PRKG1: variants seen among roughly 807,000 people sequenced by gnomAD.
PRKG1 encodes the protein protein kinase cGMP-dependent 1.
PRKG1 carries 35 observed loss-of-function variants against 88.1 expected under a neutral mutation model. That is an observed-to-expected ratio of 0.40 (90% CI 0.30 to 0.53). The LOEUF (loss-of-function observed/expected upper bound fraction) is 0.53, where lower values mean the gene tolerates loss of function less well. PRKG1 is among the 20% of genes least tolerant of loss of function. The probability of loss-of-function intolerance (pLI) is 0.59; values close to 1 mark genes in which losing one functional copy is unlikely to be tolerated. For synonymous variants in PRKG1, 303 were observed against 292.5 expected (o/e 1.04, Z -0.37); for missense variants, 540 against 839.8 (o/e 0.64, Z 4.41).
chr10:51,567,525 AGTT>A (rs997193421), intron 3 of PRKG1, among the ~76,000 whole-genome samples: 44 of 152,226 alleles, frequency 2.9e-4, no homozygotes, highest in African/African-American at 9.9e-4. Flanking sequence ...AGAATGTAAG[AGTT>A]TTACATTACA....
intron 1 of PRKG1, among the ~76,000 whole-genome samples, chr10:51,117,385 T>C (rs1385577627): frequency 6.6e-6 from 1 of 152,230 alleles, no homozygotes; most frequent in Non-Finnish European, 1.5e-5. Context: ...TGGTAGCACT[T>C]GTCAAGCTGT....
intron 5 of PRKG1, among the ~76,000 whole-genome samples, chr10:52,052,438 A>C (rs1846010473): frequency 6.6e-6 from 1 of 151,586 alleles, no homozygotes; most frequent in Non-Finnish European, 1.5e-5. Context: ...AATAATAATA[A>C]TAATAATTAA....
chr10:51,683,043 C>G (rs1437902827), intron 3 of PRKG1, among the ~76,000 whole-genome samples: 1 of 152,214 alleles, frequency 6.6e-6, no homozygotes, highest in South Asian at 2.1e-4. Context: ...CATTTACTTA[C>G]CAGAGAAATG....
chr10:52,016,658 C>G (rs776859351), intron 5 of PRKG1, among the ~76,000 whole-genome samples: 1 of 152,142 alleles, frequency 6.6e-6, no homozygotes, highest in Non-Finnish European at 1.5e-5. Flanking sequence ...TAGTCACTTA[C>G]AAATATTTTC....
At chr10:52,171,085 T>G (rs1838657809) in intron 9 of PRKG1, among the ~76,000 whole-genome samples, 1 of 149,888 alleles carries the variant, frequency 6.7e-6, no homozygotes, top group African/African-American at 2.4e-5. Context: ...GTTGCTGTTT[T>G]GAACATGCTG....
At chr10:52,286,502 T>C (rs1421182117) in intron 14 of PRKG1, among the ~76,000 whole-genome samples, 1 of 152,052 alleles carries the variant, frequency 6.6e-6, no homozygotes, top group Non-Finnish European at 1.5e-5. Flanking sequence ...TGGGTCTAAT[T>C]AATTAGAACT....
intron 2 of PRKG1, among the ~76,000 whole-genome samples, chr10:51,154,724 T>C (rs1846164060): frequency 6.6e-6 from 1 of 151,990 alleles, no homozygotes; most frequent in East Asian, 1.9e-4. Context: ...GTCAACAATA[T>C]AAAATTCTTC....
intron 1 of PRKG1, among the ~76,000 whole-genome samples, chr10:51,128,445 A>G (rs898181504): frequency 6.6e-6 from 1 of 152,200 alleles, no homozygotes; most frequent in African/African-American, 2.4e-5. Flanking sequence ...CCTCTTTGTC[A>G]TAAGTTAATC....
At chr10:52,018,181 T>G (rs1168804614) in intron 5 of PRKG1, among the ~76,000 whole-genome samples, 1 of 152,180 alleles carries the variant, frequency 6.6e-6, no homozygotes, top group Non-Finnish European at 1.5e-5. Flanking sequence ...TATTAACAGC[T>G]CATAAAATGT....
intron 5 of PRKG1, among the ~76,000 whole-genome samples, chr10:51,983,413 T>C (rs1844066263): frequency 6.6e-6 from 1 of 152,158 alleles, no homozygotes; most frequent in Admixed American, 6.5e-5. Context: ...AGGCATAGTC[T>C]GCCTGTGAAA....
chr10:51,209,979 GT>G (rs1362490044), intron 2 of PRKG1, among the ~76,000 whole-genome samples: 2 of 152,098 alleles, frequency 1.3e-5, no homozygotes, highest in African/African-American at 4.8e-5. Flanking sequence ...TTCTGGCATA[GT>G]GTTTGAAAAC....
At chr10:51,920,476 A>G (rs553873645) in intron 5 of PRKG1, among the ~76,000 whole-genome samples, 1 of 152,134 alleles carries the variant, frequency 6.6e-6, no homozygotes. Context: ...CTAATTAACA[A>G]TCTTACAGTG....
intron 7 of PRKG1, among the ~76,000 whole-genome samples, chr10:52,120,537 C>T (rs745758172): frequency 3.3e-5 from 5 of 152,036 alleles, no homozygotes; most frequent in Non-Finnish European, 5.9e-5. Flanking sequence ...GTGGGGCAGG[C>T]ATAAGATAGA....
At chr10:51,705,338 A>C (rs891749935) in intron 3 of PRKG1, among the ~76,000 whole-genome samples, 4 of 152,190 alleles carry the variant, frequency 2.6e-5, no homozygotes, top group African/African-American at 9.6e-5. Context: ...TGCCTGGTCC[A>C]GTGCCTTTTA....
chr10:51,118,348 A>T (rs1845178358), intron 1 of PRKG1, among the ~76,000 whole-genome samples: 1 of 152,230 alleles, frequency 6.6e-6, no homozygotes, highest in Non-Finnish European at 1.5e-5. Flanking sequence ...AGATCAATAT[A>T]GTGCCATGCC....
chr10:51,406,651 T>C (rs1348468266), intron 2 of PRKG1, among the ~76,000 whole-genome samples: 1 of 151,826 alleles, frequency 6.6e-6, no homozygotes, highest in Admixed American at 6.6e-5. Flanking sequence ...GAGACCCTTC[T>C]GTTTTTATAT....
intron 5 of PRKG1, among the ~76,000 whole-genome samples, chr10:51,949,970 T>A (rs1214780983): frequency 6.6e-6 from 1 of 152,186 alleles, no homozygotes; most frequent in Admixed American, 6.5e-5. Flanking sequence ...AGCATTTCAG[T>A]TTAAAATGAG....
At chr10:52,096,217 G>T (rs1221977681) in intron 7 of PRKG1, among the ~76,000 whole-genome samples, 1 of 152,192 alleles carries the variant, frequency 6.6e-6, no homozygotes, top group Non-Finnish European at 1.5e-5. Flanking sequence ...GTAGGCTTTA[G>T]ATGTGTTTTT....
At chr10:51,170,807 G>A (rs1846685391) in intron 2 of PRKG1, among the ~76,000 whole-genome samples, 1 of 151,550 alleles carries the variant, frequency 6.6e-6, no homozygotes, top group African/African-American at 2.4e-5. Context: ...TTAAATAACT[G>A]AGCTCTGATG....
Sources: allele counts gnomAD v4.1 joint callset (sites outside exome capture counted in the v4.1 genomes callset), GRCh38; gene constraint gnomAD v4.1.1; transcripts MANE v1.5; gene names NCBI Gene and HGNC (gene_info 2026-07-23, HGNC 2026-07-21).